TTC39B: variants seen among roughly 807,000 people sequenced by gnomAD.
TTC39B encodes the protein tetratricopeptide repeat protein 39B.
In TTC39B, 92 loss-of-function variants were observed where a neutral mutation model predicts 96.6. The observed-to-expected ratio is 0.95, with a 90% CI of 0.80 to 1.13. The LOEUF is 1.13. Among genes scored for constraint, TTC39B ranks in the 50% most tolerant of loss-of-function variants. The pLI is 0.00. For synonymous variants in TTC39B, 367 were observed against 299.4 expected (o/e 1.23, Z -2.33); for missense variants, 955 against 809.3 (o/e 1.18, Z -2.18).
chr9:15,221,617 C>G (rs1476936617), intron 3 of TTC39B, among the ~76,000 whole-genome samples: 1 of 152,144 alleles, frequency 6.6e-6, no homozygotes, highest in Non-Finnish European at 1.5e-5. Context: ...CCAGGGGTCT[C>G]TGCGTCTAGG....
At chr9:15,208,328 A>G (rs1819995251) in intron 6 of TTC39B, among the ~76,000 whole-genome samples, 1 of 151,892 alleles carries the variant, frequency 6.6e-6, no homozygotes, top group African/African-American at 2.4e-5. Context: ...CGGCCAAATT[A>G]TTATTATTAT....
At chr9:15,195,398 C>T (rs1385660490) in intron 8 of TTC39B, among the ~76,000 whole-genome samples, 6 of 152,126 alleles carry the variant, frequency 3.9e-5, no homozygotes, top group East Asian at 1.9e-4. Context: ...CAGCCGGGCA[C>T]GGTGGCTCAC....
chr9:15,236,517 T>C (rs893938146), intron 2 of TTC39B, among the ~76,000 whole-genome samples: 10 of 152,322 alleles, frequency 6.6e-5, no homozygotes, highest in African/African-American at 2.2e-4. Context: ...CCACAGAATA[T>C]ATATTCTTTT....
chr9:15,292,453 A>T (rs555775740), intron 1 of TTC39B, among the ~76,000 whole-genome samples: 2 of 152,316 alleles, frequency 1.3e-5, no homozygotes, highest in Non-Finnish European at 2.9e-5. Context: ...AATAAAAACA[A>T]CTGTTACTGG....
chr9:15,177,552 C>T (rs1207442764), intron 18 of TTC39B, 145 bp downstream of exon 18: 5 of 570,084 alleles, frequency 8.8e-6, no homozygotes, highest in Admixed American at 2.9e-5. Context: ...GGAAGAACAA[C>T]AACAACACAC....
At chr9:15,284,587 C>T (rs1410163895) in intron 1 of TTC39B, among the ~76,000 whole-genome samples, 1 of 152,052 alleles carries the variant, frequency 6.6e-6, no homozygotes, top group Non-Finnish European at 1.5e-5. Context: ...AAGTGAAAAA[C>T]GTAATCCTGG....
intron 1 of TTC39B, among the ~76,000 whole-genome samples, chr9:15,299,486 C>T (rs111471027): frequency 5.3e-5 from 8 of 152,144 alleles, no homozygotes; most frequent in East Asian, 1.9e-4. Context: ...TGGGTATAAA[C>T]GGACTTGGTG....
chr9:15,287,232 G>A (rs769602255), intron 1 of TTC39B, among the ~76,000 whole-genome samples: 5 of 152,174 alleles, frequency 3.3e-5, no homozygotes, highest in South Asian at 2.1e-4. Flanking sequence ...CAATAATAGC[G>A]TACATGGCTA....
chr9:15,233,688 C>T (rs1471113808), intron 2 of TTC39B, among the ~76,000 whole-genome samples: 1 of 152,178 alleles, frequency 6.6e-6, no homozygotes, highest in Non-Finnish European at 1.5e-5. Context: ...AGTGCAGTGG[C>T]GTGATCTCGG....
At position 15,219,378 on chromosome 9, in the gene TTC39B, G is replaced by A. The variant is rs545481161; in HGVS notation, c.372-5129C>T. 5.3e-5 allele frequency among the ~76,000 whole-genome samples: 8 copies of A among 152,196 alleles called. No individual in the cohort carries two copies. In the South Asian group the frequency reaches 1.5e-3, roughly 28 times the overall value. On this transcript the variant is annotated intron_variant, in intron 3 of 19. Coordinates refer to ENST00000512701, the Ensembl canonical transcript of TTC39B. ...ATATGCACACATACATGGTGACCTG[G>A]CAGTTTCTCTGCACTTTGCTCATAA...
intron 1 of TTC39B, among the ~76,000 whole-genome samples, chr9:15,278,059 G>A (rs557925716): frequency 4.3e-4 from 65 of 152,238 alleles, no homozygotes; most frequent in Admixed American, 3.3e-3. Flanking sequence ...ACATAGATTA[G>A]AGAGCTAAAA....
At chr9:15,214,322 G>GTA in intron 3 of TTC39B, 73 bp from the exon 4 acceptor site, 1 of 772,974 alleles carries the variant, frequency 1.3e-6, no homozygotes, top group Non-Finnish European at 2.1e-6. Flanking sequence ...GGGAGTGTGT[G>GTA]TGTGTGTGTG....
chr9:15,226,235 A>G (rs942874181), intron 2 of TTC39B, among the ~76,000 whole-genome samples: 4 of 152,234 alleles, frequency 2.6e-5, no homozygotes, highest in Non-Finnish European at 5.9e-5. Flanking sequence ...GTACACAAAA[A>G]ATAAGTTAAC....
intron 1 of TTC39B, among the ~76,000 whole-genome samples, chr9:15,304,553 G>A (rs532761980): frequency 6.6e-6 from 1 of 152,226 alleles, no homozygotes; most frequent in African/African-American, 2.4e-5. Context: ...TACCATGGGA[G>A]CTTCTCTACC....
chr9:15,187,942 A>G (rs1412040403), intron 14 of TTC39B, 29 bp downstream of exon 14: 1 of 1,538,880 alleles, frequency 6.5e-7, no homozygotes, highest in Admixed American at 2.0e-5. Flanking sequence ...TAGCAAACAG[A>G]TGACATTAAT....
chr9:15,238,970 G>A (rs1056151685), intron 2 of TTC39B, among the ~76,000 whole-genome samples: 12 of 152,186 alleles, frequency 7.9e-5, no homozygotes. Context: ...AGGTGACAGA[G>A]TGAGACCCTG....
At chr9:15,296,968 C>T (rs570535542) in intron 1 of TTC39B, among the ~76,000 whole-genome samples, 112 of 152,132 alleles carry the variant, frequency 7.4e-4, no homozygotes, top group African/African-American at 2.6e-3. Flanking sequence ...GCCTGTGTGA[C>T]AGAGCAAGAC....
At chr9:15,205,082 C>T (rs575814239) in intron 6 of TTC39B, among the ~76,000 whole-genome samples, 3 of 152,288 alleles carry the variant, frequency 2.0e-5, no homozygotes, top group South Asian at 2.1e-4. Context: ...TATGGGACCT[C>T]GTCCCCTCTC....
chr9:15,178,059 T>C (rs886432669), intron 17 of TTC39B, among the ~76,000 whole-genome samples: 9 of 151,668 alleles, frequency 5.9e-5, no homozygotes, highest in Non-Finnish European at 8.8e-5. Context: ...TTAGTAGAGA[T>C]GGGGTTTCAC....
Sources: allele counts gnomAD v4.1 joint callset (sites outside exome capture counted in the v4.1 genomes callset), GRCh38; gene constraint gnomAD v4.1.1; transcripts MANE v1.5; gene names NCBI Gene and HGNC (gene_info 2026-07-23, HGNC 2026-07-21).